The following ERBB4 variants were observed in gnomAD, a reference collection of about 807,000 sequenced individuals.
ERBB4 encodes erb-b2 receptor tyrosine kinase 4, also known as receptor tyrosine-protein kinase erbB-4.
In ERBB4, 42 loss-of-function variants were observed where a neutral mutation model predicts 158.0. That is an observed-to-expected ratio of 0.27 (90% CI 0.21 to 0.34). ERBB4 has a LOEUF of 0.34. Among genes scored for constraint, ERBB4 ranks in the 10% least tolerant of loss-of-function variants. ERBB4 has a pLI of 1.00. For synonymous variants in ERBB4, 583 were observed against 558.7 expected (o/e 1.04, Z -0.61); for missense variants, 1,333 against 1,624.1 (o/e 0.82, Z 3.08).
At chr2:211,536,182 C>T (rs2066647829) in intron 20 of ERBB4, among the ~76,000 whole-genome samples, 1 of 152,062 alleles carries the variant, frequency 6.6e-6, no homozygotes, top group African/African-American at 2.4e-5. Context: ...AAATGAGTTA[C>T]ATTCGATAAT....
chr2:212,131,424 G>A (rs2080104343), intron 1 of ERBB4, among the ~76,000 whole-genome samples: 1 of 152,128 alleles, frequency 6.6e-6, no homozygotes, highest in Non-Finnish European at 1.5e-5. Flanking sequence ...TTTCTCAAAT[G>A]TCATTCTTTC....
At chr2:211,966,910 T>A (rs2081325435) in intron 2 of ERBB4, among the ~76,000 whole-genome samples, 1 of 152,122 alleles carries the variant, frequency 6.6e-6, no homozygotes, top group African/African-American at 2.4e-5. Context: ...ACACAATAGG[T>A]CAGGAGCTTC....
intron 25 of ERBB4, among the ~76,000 whole-genome samples, chr2:211,398,772 A>G (rs972204333): frequency 2.0e-5 from 3 of 152,238 alleles, no homozygotes; most frequent in Non-Finnish European, 1.5e-5. Context: ...GGGAGGTTGC[A>G]GTAAGCCGAG....
intron 1 of ERBB4, among the ~76,000 whole-genome samples, chr2:212,453,215 T>C (rs1224575958): frequency 6.6e-6 from 1 of 152,226 alleles, no homozygotes; most frequent in Admixed American, 6.5e-5. Context: ...TTGCTTCTTA[T>C]ATCTTCCCCT....
intron 3 of ERBB4, among the ~76,000 whole-genome samples, chr2:211,834,565 G>A (rs2077297551): frequency 6.6e-6 from 1 of 151,552 alleles, no homozygotes; most frequent in Non-Finnish European, 1.5e-5. Flanking sequence ...TAGGAGAACA[G>A]TTAATATTTT....
chr2:212,249,315 G>A (rs2084432340), intron 1 of ERBB4, among the ~76,000 whole-genome samples: 1 of 151,774 alleles, frequency 6.6e-6, no homozygotes, highest in South Asian at 2.1e-4. Context: ...GTATATGTGT[G>A]TATGTTTTTA....
chr2:212,442,922 T>C (rs1227861777), intron 1 of ERBB4, among the ~76,000 whole-genome samples: 1 of 152,148 alleles, frequency 6.6e-6, no homozygotes, highest in Non-Finnish European at 1.5e-5. Flanking sequence ...GCTCTCCCAT[T>C]TGACCAGTGC....
intron 4 of ERBB4, chr2:211,779,345 G>A (rs964599563): frequency 1.6e-4 from 24 of 152,114 alleles, no homozygotes; most frequent in African/African-American, 5.8e-4. Context: ...CACATATTAT[G>A]TTGTAGCCCA....
intron 5 of ERBB4, among the ~76,000 whole-genome samples, chr2:211,734,295 C>T (rs1266630981): frequency 6.6e-6 from 1 of 152,052 alleles, no homozygotes; most frequent in East Asian, 1.9e-4. Flanking sequence ...CAGATCACCA[C>T]TTCTTCAGAG....
chr2:211,988,673 A>G (rs1226752948), intron 2 of ERBB4, among the ~76,000 whole-genome samples: 4 of 152,088 alleles, frequency 2.6e-5, no homozygotes, highest in Non-Finnish European at 5.9e-5. Context: ...TTAATGTTAC[A>G]TCATCTACCC....
intron 1 of ERBB4, among the ~76,000 whole-genome samples, chr2:212,145,727 TAA>T (rs5838300): frequency 0.26 from 22,854 of 88,072 alleles, 2,286 homozygotes; most frequent in Non-Finnish European, 0.28. Context: ...CAGCATGCAG[TAA>T]AAAAAAAAAA....
At chr2:212,407,706 A>C (rs938802825) in intron 1 of ERBB4, among the ~76,000 whole-genome samples, 11 of 152,174 alleles carry the variant, frequency 7.2e-5, no homozygotes, top group African/African-American at 2.7e-4. Context: ...TCTAAACAGC[A>C]GTACAAAGTT....
At chr2:212,031,160 C>T (rs1240462141) in intron 2 of ERBB4, among the ~76,000 whole-genome samples, 4 of 152,124 alleles carry the variant, frequency 2.6e-5, no homozygotes. Context: ...ATCATCTCTT[C>T]ACTAATGACT....
At chr2:212,315,546 T>C (rs1006339249) in intron 1 of ERBB4, among the ~76,000 whole-genome samples, 1 of 151,468 alleles carries the variant, frequency 6.6e-6, no homozygotes, top group African/African-American at 2.4e-5. Flanking sequence ...AAAATAGTAA[T>C]AATATTGTAC....
At chr2:212,345,726 AC>A (rs1467142731) in intron 1 of ERBB4, among the ~76,000 whole-genome samples, 2 of 152,300 alleles carry the variant, frequency 1.3e-5, no homozygotes, top group East Asian at 1.9e-4. Flanking sequence ...TAAAATGAAA[AC>A]TTTATCAAAG....
rs980045823 is a variant in ERBB4 at position 211,393,794 on chromosome 2, T to C, written c.3136-5802A>G. ...GTGTGTGTGTGTGTGTATTTTTCCA[T>C]TCTTTCCTACAAGTCCTTTTTATCT... is the stretch of plus-strand genomic sequence containing the variant. On this transcript the variant is annotated intron_variant, in intron 25 of 27. Coordinates refer to ENST00000342788, the MANE Select transcript of ERBB4 (RefSeq NM_005235.3). Among the ~76,000 whole-genome samples, 4 of 150,726 alleles carry C rather than the reference T, an allele frequency of 2.7e-5. No homozygotes were observed. In the East Asian group the frequency reaches 7.8e-4, roughly 30 times the overall value.
In ERBB4 at chr2:211,772,942, T is replaced by TACACACAC. The variant is rs1559504942; in HGVS notation, c.556+15082_556+15083insGTGTGTGT. Among the ~76,000 whole-genome samples, 40 of 89,290 alleles carry TACACACAC rather than the reference T, an allele frequency of 4.5e-4. 2 individuals are homozygous for TACACACAC. Among genetic ancestry groups the TACACACAC allele is most frequent in the African/African-American group, 3.8e-4 (6 of 15,746 alleles). 58.6% of individuals were successfully genotyped at this position (89,290 alleles called of 152,430 possible). ...ACACACACATATATATATATATATA[T>TACACACAC]ATATATATATATATTTTTTTTTTTA... On this transcript the variant is annotated intron_variant, in intron 4 of 27. Coordinates refer to ENST00000342788, the MANE Select transcript of ERBB4 (RefSeq NM_005235.3).
At chr2:211,771,891 C>T (rs899936485) in intron 4 of ERBB4, among the ~76,000 whole-genome samples, 3 of 152,166 alleles carry the variant, frequency 2.0e-5, no homozygotes, top group Admixed American at 1.3e-4. Context: ...TTCATATTCA[C>T]AGGTGGTAGT....
chr2:211,819,971 G>A (rs1042862646), intron 3 of ERBB4, among the ~76,000 whole-genome samples: 3 of 151,862 alleles, frequency 2.0e-5, no homozygotes, highest in Admixed American at 2.0e-4. Context: ...TTTTAGAACA[G>A]ATGAGACCCA....
Sources: allele counts gnomAD v4.1 joint callset (sites outside exome capture counted in the v4.1 genomes callset), GRCh38; gene constraint gnomAD v4.1.1; transcripts MANE v1.5; gene names NCBI Gene and HGNC (gene_info 2026-07-23, HGNC 2026-07-21).